ITGB3BP: variants seen among roughly 807,000 people sequenced by gnomAD.
ITGB3BP encodes centromere protein R.
In ITGB3BP, 27 loss-of-function variants were observed where a neutral mutation model predicts 29.1. That is an observed-to-expected ratio of 0.93 (90% CI 0.68 to 1.28). The LOEUF (loss-of-function observed/expected upper bound fraction) is 1.28, where lower values mean the gene tolerates loss of function less well. Among genes scored for constraint, ITGB3BP ranks in the 50% most tolerant of loss-of-function variants. ITGB3BP has a pLI of 0.00. For missense variants in ITGB3BP, 192 were observed against 200.2 expected (o/e 0.96, Z 0.25); for synonymous variants, 61 against 61.4 (o/e 0.99, Z 0.03).
intron 2 of ITGB3BP, among the ~76,000 whole-genome samples, chr1:63,491,668 CA>C (rs1330592306): frequency 1.3e-5 from 2 of 151,342 alleles, no homozygotes; most frequent in Admixed American, 6.6e-5. Flanking sequence ...CTATAGCATT[CA>C]AAAAAAATTT....
In ITGB3BP at chr1:63,502,077, C is replaced by T. The variant is rs377714474; in HGVS notation, c.48+6451G>A. Among the ~76,000 whole-genome samples the T allele has an allele frequency of 1.4e-3, 218 of 152,248 alleles. 1 individual carries two copies. Among genetic ancestry groups the T allele is most frequent in the African/African-American group, 5.1e-3 (214 of 41,554 alleles). On this transcript the variant is annotated intron_variant, in intron 2 of 8. Coordinates refer to ENST00000271002, the MANE Select transcript of ITGB3BP (RefSeq NM_014288.5). Reference sequence around the variant, plus strand: ...GTGTCCTGAAAAAGACTGGGTCAAGCTGGCTTGGTATATGGCCAGGTAGCC... The same window carrying T: ...GTGTCCTGAAAAAGACTGGGTCAAGTTGGCTTGGTATATGGCCAGGTAGCC...
At chr1:63,525,070 C>T (rs1365391815), upstream of ITGB3BP, among the ~76,000 whole-genome samples, 2 of 152,164 alleles carry the variant, frequency 1.3e-5, no homozygotes, top group Non-Finnish European at 2.9e-5. Flanking sequence ...TCCCGATTCT[C>T]ATTATTCTGG....
upstream of ITGB3BP, among the ~76,000 whole-genome samples, chr1:63,524,398 G>A (rs528132739): frequency 6.6e-6 from 1 of 152,276 alleles, no homozygotes; most frequent in Admixed American, 6.5e-5. Flanking sequence ...GAAAGTGTCA[G>A]GCAGGCGGCC....
chr1:63,478,736 T>A (rs770103890), intron 4 of ITGB3BP, 28 bp downstream of exon 4: 2 of 1,056,030 alleles, frequency 1.9e-6, no homozygotes, highest in South Asian at 3.0e-5. Context: ...AAGATACACA[T>A]ATATAATTTC....
At chr1:63,487,554 C>T (rs564897167) in intron 3 of ITGB3BP, among the ~76,000 whole-genome samples, 1 of 152,144 alleles carries the variant, frequency 6.6e-6, no homozygotes, top group Non-Finnish European at 1.5e-5. Flanking sequence ...CTACCACACA[C>T]CTAGTGTATA....
chr1:63,467,754 G>A (rs1645124258), intron 4 of ITGB3BP, among the ~76,000 whole-genome samples: 1 of 152,136 alleles, frequency 6.6e-6, no homozygotes, highest in African/African-American at 2.4e-5. Context: ...TATCTAATGG[G>A]TAGGGGCCAA....
At chr1:63,507,871 T>C (rs987423597) in intron 2 of ITGB3BP, among the ~76,000 whole-genome samples, 12 of 152,166 alleles carry the variant, frequency 7.9e-5, no homozygotes, top group African/African-American at 2.9e-4. Context: ...TTTACCTGCA[T>C]TTAAGATTAC....
chr1:63,482,222 G>A (rs947211280), intron 3 of ITGB3BP, among the ~76,000 whole-genome samples: 18 of 125,336 alleles, frequency 1.4e-4, no homozygotes, highest in Admixed American at 5.2e-4. Flanking sequence ...GCAGTGAGCC[G>A]AGATCACGCC....
intron 8 of ITGB3BP, among the ~76,000 whole-genome samples, chr1:63,444,111 T>C (rs922044894): frequency 2.6e-5 from 4 of 152,280 alleles, no homozygotes; most frequent in Admixed American, 6.5e-5. Flanking sequence ...GAAAGGGAAG[T>C]TGACTGGTAG....
chr1:63,473,313 G>A (rs371596181), intron 4 of ITGB3BP, among the ~76,000 whole-genome samples: 4 of 151,732 alleles, frequency 2.6e-5, no homozygotes, highest in East Asian at 2.0e-4. Context: ...GAGCGTCTCC[G>A]CCCGGCAGCC....
At chr1:63,516,150 T>C in intron 1 of ITGB3BP, among the ~76,000 whole-genome samples, 1 of 150,788 alleles carries the variant, frequency 6.6e-6, no homozygotes. Flanking sequence ...AGGCCAGGCA[T>C]GGTGGCTCAC....
At chr1:63,476,651 ATTAAGT>A (rs1373785415) in intron 4 of ITGB3BP, among the ~76,000 whole-genome samples, 4 of 152,222 alleles carry the variant, frequency 2.6e-5, no homozygotes, top group African/African-American at 9.6e-5. Context: ...GAAAGACACT[ATTAAGT>A]TTAAGTGGAC....
rs10610086 is a variant in ITGB3BP, at chr1:63,492,189, C to CTGTGTGTGTG, written c.49-1981_49-1972dup. ...ATAACTCTGTGAGTGTGCATGTGCT[C>CTGTGTGTGTG]TGTGTGTGTGTGTGTGTGTGTGTGT... On this transcript the variant is annotated intron_variant, in intron 2 of 8. Coordinates refer to ENST00000271002, the MANE Select transcript of ITGB3BP (RefSeq NM_014288.5). Among the ~76,000 whole-genome samples the CTGTGTGTGTG allele has an allele frequency of 9.7e-3, 1,448 of 149,062 alleles. 20 individuals are homozygous for CTGTGTGTGTG. Among genetic ancestry groups the CTGTGTGTGTG allele is most frequent in the African/African-American group, 0.033 (1,357 of 40,520 alleles).
At chr1:63,507,051 A>T (rs766540468) in intron 2 of ITGB3BP, among the ~76,000 whole-genome samples, 1 of 152,188 alleles carries the variant, frequency 6.6e-6, no homozygotes, top group Non-Finnish European at 1.5e-5. Flanking sequence ...ACCAGAACAG[A>T]ACAAAAGCTG....
Position 63,475,855 on chromosome 1 carries a change from G to A in ITGB3BP, c.254+2909C>T, listed in dbSNP as rs1466866151. ...TCTACTAAAAATACAAAAATTAGCCGTGCATGGTAGCGGGTGCCTGTAATC... is the reference window on the plus strand; with the variant it reads ...TCTACTAAAAATACAAAAATTAGCCATGCATGGTAGCGGGTGCCTGTAATC... On this transcript the variant is annotated intron_variant, in intron 4 of 8. Transcript: ENST00000271002. Among the ~76,000 whole-genome samples, 9 of 151,850 alleles carry A rather than the reference G, an allele frequency of 5.9e-5. No individual in the cohort carries two copies. The East Asian group carries it at 1.4e-3, about 23-fold the overall frequency.
At chr1:63,446,261 C>T (rs909117209) in intron 8 of ITGB3BP, among the ~76,000 whole-genome samples, 9 of 152,154 alleles carry the variant, frequency 5.9e-5, no homozygotes, top group Non-Finnish European at 1.2e-4. Flanking sequence ...TATCATGACT[C>T]ATATTGCTTT....
rs1488660584 is a variant in ITGB3BP at position 63,447,534 on chromosome 1, G to C, written c.485-678C>G. The C allele has an allele frequency of 1.1e-5, 5 of 469,036 alleles. No individual in the cohort carries two copies. The Admixed American group carries it at 1.1e-4, about 11-fold the overall frequency. The allele number at this position is 469,036 out of a possible 1,614,324, so 29.1% of individuals were successfully genotyped here. A position where few individuals can be genotyped will look rare whatever the true frequency, so the allele number is the denominator to read the frequency against. The stretch of plus-strand genomic sequence containing the variant: ...TAAAATATTCAGACAAGTGTTGTGG[G>C]AGCCTCAAAGATGAAGCAATTTAGC... On this transcript the variant is annotated intron_variant, in intron 7 of 8. Coordinates refer to ENST00000271002, the MANE Select transcript of ITGB3BP (RefSeq NM_014288.5).
chr1:63,482,818 T>G lies in ITGB3BP; in HGVS notation c.185-3985A>C, dbSNP rs909576973. Among the ~76,000 whole-genome samples the G allele has an allele frequency of 6.6e-5, 10 of 152,152 alleles. No individual in the cohort carries two copies. The South Asian group carries it at 1.7e-3, about 25-fold the overall frequency. ...GCAAGCGTGCACCACCACGCCTGGC[T>G]AATTTTTGTATTTTTAGTAGAGACT... On this transcript the variant is annotated intron_variant, in intron 3 of 8. Coordinates refer to ENST00000271002, the MANE Select transcript of ITGB3BP (RefSeq NM_014288.5).
At chr1:63,478,403 C>G (rs1645378592) in intron 4 of ITGB3BP, among the ~76,000 whole-genome samples, 1 of 152,232 alleles carries the variant, frequency 6.6e-6, no homozygotes, top group South Asian at 2.1e-4. Flanking sequence ...TTCACTGTTT[C>G]TAGCTCCATC....
Sources: allele counts gnomAD v4.1 joint callset (sites outside exome capture counted in the v4.1 genomes callset), GRCh38; gene constraint gnomAD v4.1.1; transcripts MANE v1.5; gene names NCBI Gene and HGNC (gene_info 2026-07-23, HGNC 2026-07-21).